SAFB2: variants seen among roughly 807,000 people sequenced by gnomAD.
SAFB2 encodes scaffold attachment factor B2.
Under a neutral mutation model 100.6 loss-of-function variants are expected in SAFB2, and 32 were observed. The observed-to-expected ratio is 0.32, with a 90% CI of 0.24 to 0.43. The LOEUF (loss-of-function observed/expected upper bound fraction) is 0.43, where lower values mean the gene tolerates loss of function less well. Among genes scored for constraint, SAFB2 ranks in the 20% least tolerant of loss-of-function variants. SAFB2 has a pLI of 1.00. For missense variants in SAFB2, 1,185 were observed against 1,163.4 expected, an observed-to-expected ratio of 1.02 and a Z score of -0.27; for synonymous variants, 500 against 439.4, an observed-to-expected ratio of 1.14 and a Z score of -1.72.
chr19:5,587,979 C>T lies in SAFB2; in HGVS notation c.2527G>A (p.Gly843Ser). Residue 843 changes from glycine to serine, a missense_variant and splice_region_variant, in exon 19 of 21, where the codon GGT becomes AGT. By Grantham distance (56) the Gly-to-Ser change is moderately conservative. Transcript: ENST00000252542. This position sits in a 1 kb window ranked among gnomAD's most constrained non-coding sequence, Gnocchi z 4.9. ...EGRGLPPPPR[G>S]GRDWGEHNQR... ...TTGTGCTCTCCCCAGTCACGGCCAC[C>T]CCTTTGCCAAAAGAAAAAGACATGC... 6.2e-7 allele frequency: 1 copy of T among 1,610,060 alleles called. No individual in the cohort carries two copies. The highest frequency in any genetic ancestry group is 2.2e-5 in the East Asian group (1 of 44,804).
At chr19:5,593,206 C>T (rs1187104520) in intron 15 of SAFB2, among the ~76,000 whole-genome samples, 1 of 152,210 alleles carries the variant, frequency 6.6e-6, no homozygotes, top group Non-Finnish European at 1.5e-5. Context: ...TTTGATTCTT[C>T]TGGAATAGCA....
chr19:5,617,915 G>A (rs761877991), intron 2 of SAFB2, among the ~76,000 whole-genome samples: 2 of 152,216 alleles, frequency 1.3e-5, no homozygotes, highest in Non-Finnish European at 2.9e-5. Flanking sequence ...GCTAAGGCAG[G>A]TGGCTCGCTT....
At chr19:5,604,089 G>A (rs561579925) in intron 11 of SAFB2, among the ~76,000 whole-genome samples, 3 of 152,322 alleles carry the variant, frequency 2.0e-5, no homozygotes, top group African/African-American at 7.2e-5. Flanking sequence ...AAAGACATGG[G>A]CTACTTCGTT....
rs552760986 is a variant in SAFB2, at chr19:5,603,916, C to T, written c.1559+667G>A. Among the ~76,000 whole-genome samples, 4 of 152,286 alleles carry T rather than the reference C, an allele frequency of 2.6e-5. No individual in the cohort carries two copies. The East Asian group carries it at 5.8e-4, about 22-fold the overall frequency. On this transcript the variant is annotated intron_variant, in intron 11 of 20. Coordinates refer to ENST00000252542, the MANE Select transcript of SAFB2 (RefSeq NM_014649.3). Reference sequence around the variant, plus strand: ...AGTTGCTGTGATTAATAAGTGAGAACTGCATGAAAATCAACGTGGATGAGG... The same window carrying T: ...AGTTGCTGTGATTAATAAGTGAGAATTGCATGAAAATCAACGTGGATGAGG...
At chr19:5,610,207 C>A in intron 8 of SAFB2, 112 bp from the exon 9 acceptor site, 2 of 806,892 alleles carry the variant, frequency 2.5e-6, no homozygotes, top group Non-Finnish European at 4.2e-6. Flanking sequence ...ATCCCAACTG[C>A]TGACTTAAGA....
In SAFB2 at chr19:5,604,840, T is replaced by C. The variant is rs1314876521; in HGVS notation, c.1393A>G (p.Ile465Val). ...AGCTCAGTTCTGTGGAGATGGCTGA[T>C]GCACTTGGTCGCCTCGTCAGATGTC... ...MSTSDEATKC[I>V]SHLHRTELHG... Residue 465 changes from isoleucine to valine, a missense_variant, in exon 10 of 21, where the codon ATC becomes GTC. Around this residue, in one of 3 missense-constraint regions of SAFB2, gnomAD observed 94 missense variants for 135.1 expected, o/e 0.70. Transcript: ENST00000252542. 1.2e-6 allele frequency: 2 copies of C among 1,614,076 alleles called. No individual in the cohort carries two copies. The highest frequency in any genetic ancestry group is 2.2e-5 in the East Asian group (1 of 44,894).
intron 9 of SAFB2, among the ~76,000 whole-genome samples, chr19:5,605,251 C>T (rs750429696): frequency 1.3e-5 from 2 of 151,988 alleles, no homozygotes; most frequent in African/African-American, 2.4e-5. Context: ...ATTACAGGCG[C>T]CCGCCACCAC....
At chr19:5,615,771 C>T (rs1462159227) in intron 4 of SAFB2, among the ~76,000 whole-genome samples, 6 of 148,482 alleles carry the variant, frequency 4.0e-5, no homozygotes, top group Admixed American at 6.6e-5. Flanking sequence ...GGCACTGTGG[C>T]CTGTGCCAAT....
rs28703771 is a variant in SAFB2, at chr19:5,587,367, T to C, written c.2738A>G (p.Gln913Arg). The part of the protein sequence containing the change: ...RGGFAQGGHS[Q>R]GHVVPGGGLE... ...TCCGCCACCTGGCACCACGTGGCCC[T>C]GGGAATGTCCACCTTGTGCAAAGCC... is the stretch of plus-strand genomic sequence containing the variant. Residue 913 changes from glutamine to arginine, a missense_variant, in exon 21 of 21, where the codon CAG (glutamine) becomes CGG (arginine). This residue lies in a region of SAFB2 where 740 missense variants were observed against 687.1 expected (regional missense o/e 1.08). Transcript: ENST00000252542. The surrounding 1 kb of genome is among the most constrained non-coding windows in gnomAD (Gnocchi z 4.9). 6.2e-7 allele frequency: 1 copy of C among 1,613,002 alleles called. No individual in the cohort carries two copies. The highest frequency in any genetic ancestry group is 8.5e-7 in the Non-Finnish European group (1 of 1,179,608).
intron 2 of SAFB2, among the ~76,000 whole-genome samples, chr19:5,618,073 G>A (rs1197619992): frequency 1.3e-5 from 2 of 152,164 alleles, no homozygotes; most frequent in East Asian, 3.9e-4. Context: ...GAGCCTGAGA[G>A]CTTGAGGCTG....
At position 5,594,145 on chromosome 19, in the gene SAFB2, G is replaced by C. The variant is rs1397592555; in HGVS notation, c.1953C>G (p.Leu651=). 1.9e-6 allele frequency: 3 copies of C among 1,600,664 alleles called. No individual in the cohort carries two copies. The African/African-American group carries it at 4.0e-5, about 21-fold the overall frequency. The change falls in exon 15 of 21, where the codon CTC becomes CTG. Residue 651 remains leucine, a synonymous_variant. Transcript: ENST00000252542. ...EREQREREQR[L]EAFHERKEKA... The stretch of plus-strand genomic sequence containing the variant: ...TCTCCTTCCGCTCATGGAAGGCCTC[G>C]AGGCGTTGCTCCCGCTCCCGCTGCT...
rs761202951 is a variant in SAFB2, at chr19:5,610,096, C to A, written c.1196-1G>T. ...CGACCAGAACCGCTGCCGACCCGACCTGGCACGAGAGGGAGATTCTTAGGC... is the reference window on the plus strand; with the variant it reads ...CGACCAGAACCGCTGCCGACCCGACATGGCACGAGAGGGAGATTCTTAGGC... On this transcript the variant is annotated splice_acceptor_variant, in intron 8 of 20. Coordinates refer to ENST00000252542, the MANE Select transcript of SAFB2 (RefSeq NM_014649.3). LOFTEE classifies it high-confidence loss of function. 1 of 1,613,882 alleles carries A rather than the reference C, an allele frequency of 6.2e-7. No homozygotes were observed. The highest frequency in any genetic ancestry group is 8.5e-7 in the Non-Finnish European group (1 of 1,179,832).
intron 13 of SAFB2, among the ~76,000 whole-genome samples, 182 bp from the exon 14 acceptor site, chr19:5,595,679 C>G (rs989141308): frequency 1.3e-5 from 2 of 152,210 alleles, no homozygotes; most frequent in Non-Finnish European, 2.9e-5. Context: ...CATTTTACTG[C>G]CTAATCCAGA....
chr19:5,587,420 T>A lies in SAFB2; in HGVS notation c.2706-21A>T, dbSNP rs1568201330. On this transcript the variant is annotated intron_variant, in intron 20 of 20. Coordinates refer to ENST00000252542, the MANE Select transcript of SAFB2 (RefSeq NM_014649.3). The surrounding 1 kb of genome is among the most constrained non-coding windows in gnomAD (Gnocchi z 4.9). ...CTCGCCTAGGAACAAAGTCAGACAATTTTTTTCCCCTTGAAGTGCTCAGCG... is the reference window on the plus strand; with the variant it reads ...CTCGCCTAGGAACAAAGTCAGACAAATTTTTTCCCCTTGAAGTGCTCAGCG... The A allele has an allele frequency of 1.9e-6, 3 of 1,597,386 alleles. No individual in the cohort carries two copies. Among genetic ancestry groups the A allele is most frequent in the South Asian group, 1.1e-5 (1 of 88,788 alleles).
chr19:5,619,729 C>G (rs2053102776), intron 2 of SAFB2, among the ~76,000 whole-genome samples: 1 of 151,956 alleles, frequency 6.6e-6, no homozygotes, highest in Admixed American at 6.6e-5. Context: ...CCTGTAATCG[C>G]AGCTACTCAG....
chr19:5,612,525 T>G lies in SAFB2; in HGVS notation c.634+15A>C. 1 of 1,610,832 alleles carries G rather than the reference T, an allele frequency of 6.2e-7. No homozygotes were observed. The highest frequency in any genetic ancestry group is 1.1e-5 in the South Asian group (1 of 91,008). On this transcript the variant is annotated intron_variant, in intron 6 of 20. Coordinates refer to ENST00000252542, the MANE Select transcript of SAFB2 (RefSeq NM_014649.3). Reference sequence around the variant, plus strand: ...AACTTTCAAACCATAACTGTCGTGTTTCTCTTATCAGTACCTGGCTCCAAA... The same window carrying G: ...AACTTTCAAACCATAACTGTCGTGTGTCTCTTATCAGTACCTGGCTCCAAA...
chr19:5,592,099 G>A (rs1456000657), intron 16 of SAFB2, among the ~76,000 whole-genome samples: 2 of 152,108 alleles, frequency 1.3e-5, no homozygotes, highest in South Asian at 2.1e-4. Flanking sequence ...CTGACCCAAT[G>A]CGTGGGACTC....
intron 18 of SAFB2, 26 bp from the exon 19 acceptor site, chr19:5,588,006 GC>G: frequency 6.3e-7 from 1 of 1,593,678 alleles, no homozygotes; most frequent in South Asian, 1.1e-5. Context: ...AAGACATGCA[GC>G]CATCTAATGA....
rs763748457 is a variant in SAFB2 at position 5,592,877 on chromosome 19, C to T, written c.2218G>A (p.Ala740Thr). ...ACACGCTTTCCTTCTGGCCAATAGG[C>T]ATCATCTCGTCTGTTGGTTTTTATT... Reference protein sequence around the residue: ...RPYDLDRRDDAYWPEGKRVAM... With the variant: ...RPYDLDRRDDTYWPEGKRVAM... Residue 740 changes from alanine to threonine, a missense_variant, in exon 16 of 21, where the codon GCC (alanine) becomes ACC (threonine). Around this residue, in one of 3 missense-constraint regions of SAFB2, gnomAD observed 740 missense variants for 687.1 expected, o/e 1.08. Coordinates refer to ENST00000252542, the MANE Select transcript of SAFB2 (RefSeq NM_014649.3). 3.9e-5 allele frequency: 63 copies of T among 1,613,876 alleles called. No homozygotes were observed. The highest frequency in any genetic ancestry group is 5.0e-5 in the Non-Finnish European group (59 of 1,179,942).
Sources: gnomAD v4.1 joint callset for allele counts (sites outside exome capture counted in the v4.1 genomes callset) on GRCh38, gnomAD v4.1.1 for gene constraint, gnomAD v4.1.1 regional missense constraint, Gnocchi (gnomAD v3.1) non-coding constraint, MANE v1.5 for transcripts, NCBI Gene and HGNC (gene_info 2026-07-23, HGNC 2026-07-21) for gene names.